The following NPTN variants were observed in gnomAD, a reference collection of about 807,000 sequenced individuals.
The protein encoded by NPTN is SDR-1.
A neutral mutation model predicts 42.7 loss-of-function variants in NPTN; 5 were observed. That is an observed-to-expected ratio of 0.12 (90% confidence interval 0.06 to 0.25). The LOEUF (loss-of-function observed/expected upper bound fraction) is 0.25. NPTN is among the 10% of genes least tolerant of loss of function. The pLI is 1.00. For synonymous variants in NPTN, 180 were observed against 201.9 expected (o/e 0.89, Z 0.92); for missense variants, 307 against 525.4 (o/e 0.58, Z 4.06).
At chr15:73,589,120 C>G (rs1355611739) in intron 3 of NPTN, among the ~76,000 whole-genome samples, 14 of 151,968 alleles carry the variant, frequency 9.2e-5, no homozygotes, top group Non-Finnish European at 1.6e-4. Flanking sequence ...CTGCTTGAGC[C>G]CAGGAGTTTG....
chr15:73,563,303 G>T (rs1411893346), intron 6 of NPTN, 46 bp from the exon 7 acceptor site: 3 of 1,610,238 alleles, frequency 1.9e-6, no homozygotes, highest in South Asian at 1.1e-5. Context: ...GATAAGAGAA[G>T]AAAGGAGAAA....
intron 2 of NPTN, among the ~76,000 whole-genome samples, chr15:73,595,287 T>C (rs2141406538): frequency 6.6e-6 from 1 of 152,246 alleles, no homozygotes; most frequent in Middle Eastern, 3.4e-3. Flanking sequence ...TAATTCTGCT[T>C]TTATAAGGAA....
intron 1 of NPTN, among the ~76,000 whole-genome samples, chr15:73,610,489 T>C (rs748871219): frequency 2.6e-5 from 4 of 152,222 alleles, no homozygotes; most frequent in Non-Finnish European, 4.4e-5. Context: ...GTTATTTCAC[T>C]TAACATGGAA....
chr15:73,610,087 T>C (rs1897500153), intron 1 of NPTN, among the ~76,000 whole-genome samples: 1 of 151,488 alleles, frequency 6.6e-6, no homozygotes, highest in Non-Finnish European at 1.5e-5. Context: ...CTTTTTACTT[T>C]TTTTTTTCTT....
chr15:73,563,199 C>G, intron 7 of NPTN, 37 bp downstream of exon 7: 1 of 1,339,404 alleles, frequency 7.5e-7, no homozygotes, highest in African/African-American at 1.4e-5. Flanking sequence ...ATCATTCAAT[C>G]AGATACTGTT....
At position 73,633,298 on chromosome 15, in the gene NPTN, G is replaced by C; in HGVS notation, c.-83C>G. ...AGGGAGGGGAGGGAGGGAGGGGGCG[G>C]GCGAGTGCGCGAGGGAGTGAGCGAG... On this transcript the variant is annotated 5_prime_UTR_variant, in exon 1 of 9. Transcript: ENST00000345330. 1.0e-6 allele frequency: 1 copy of C among 987,886 alleles called. No individual in the cohort carries two copies. The highest frequency in any genetic ancestry group is 1.4e-6 in the Non-Finnish European group (1 of 701,546). 61.2% of individuals were successfully genotyped at this position (987,886 alleles called of 1,614,324 possible).
At chr15:73,576,684 G>A (rs1269559955) in intron 4 of NPTN, among the ~76,000 whole-genome samples, 2 of 152,152 alleles carry the variant, frequency 1.3e-5, no homozygotes, top group East Asian at 3.9e-4. Context: ...GACCTCAAGA[G>A]GAGAGGAATT....
intron 4 of NPTN, among the ~76,000 whole-genome samples, chr15:73,578,144 C>G (rs537271306): frequency 1.9e-4 from 29 of 152,206 alleles, no homozygotes; most frequent in African/African-American, 6.0e-4. Flanking sequence ...ATCAGAGAGA[C>G]TGGGGACCCA....
At chr15:73,573,844 G>A (rs1255159465) in intron 4 of NPTN, 49 bp from the exon 5 acceptor site, 2 of 1,593,488 alleles carry the variant, frequency 1.3e-6, no homozygotes, top group Non-Finnish European at 1.7e-6. Flanking sequence ...ACTCCAAACA[G>A]GATACAAAGG....
chr15:73,579,152 G>C (rs1170264562), intron 4 of NPTN, among the ~76,000 whole-genome samples: 1 of 151,686 alleles, frequency 6.6e-6, no homozygotes, highest in African/African-American at 2.4e-5. Context: ...GGTGGCGGGA[G>C]CCTGTTGTCC....
intron 6 of NPTN, chr15:73,568,974 G>A (rs1895208873): frequency 2.0e-6 from 2 of 985,416 alleles, no homozygotes; most frequent in Non-Finnish European, 2.4e-6. Flanking sequence ...TTCTTTCTGA[G>A]GGAGCACCAG....
intron 7 of NPTN, 59 bp from the exon 8 acceptor site, chr15:73,562,029 AAC>A (rs1894704989): frequency 7.9e-7 from 1 of 1,267,458 alleles, no homozygotes; most frequent in South Asian, 1.3e-5. Flanking sequence ...TTCAAAGTAT[AAC>A]ACATGGAAAT....
chr15:73,578,970 G>A (rs1895841152), intron 4 of NPTN, among the ~76,000 whole-genome samples: 1 of 146,992 alleles, frequency 6.8e-6, no homozygotes, highest in East Asian at 2.0e-4. Flanking sequence ...TCCAGCCTGG[G>A]CGACAGAGTA....
chr15:73,580,441 A>ATTATATATATAATATATATAAT (rs1555408012), intron 4 of NPTN, among the ~76,000 whole-genome samples: 1 of 113,956 alleles, frequency 8.8e-6, no homozygotes, highest in African/African-American at 4.1e-5. Flanking sequence ...TAATATATAT[A>ATTATATATATAATATATATAAT]ATATATATGT....
intron 8 of NPTN, among the ~76,000 whole-genome samples, chr15:73,561,366 TTATA>T: frequency 6.6e-6 from 1 of 152,164 alleles, no homozygotes. Context: ...GAAATGGCAT[TTATA>T]TAAACATGTG....
chr15:73,631,635 T>G (rs1898748476), intron 1 of NPTN, among the ~76,000 whole-genome samples: 1 of 152,218 alleles, frequency 6.6e-6, no homozygotes, highest in South Asian at 2.1e-4. Context: ...GCCTCTCTAA[T>G]AAGAGTAATC....
Position 73,605,106 on chromosome 15 carries a change from G to T in NPTN, c.92-7737C>A, listed in dbSNP as rs557600900. On this transcript the variant is annotated intron_variant, in intron 1 of 8. Coordinates refer to ENST00000345330, the MANE Select transcript of NPTN (RefSeq NM_012428.4). The stretch of plus-strand genomic sequence containing the variant: ...AGTAGAGACCCTGTCTCAAGGGGGG[G>T]GGGGGAAAAGAATGATCTAAACTAG... Among the ~76,000 whole-genome samples the T allele has an allele frequency of 6.9e-5, 10 of 145,768 alleles. 1 individual carries two copies. The highest frequency in any genetic ancestry group is 2.7e-4 in the African/African-American group (10 of 36,402).
At chr15:73,628,587 CGTT>C (rs563646345) in intron 1 of NPTN, among the ~76,000 whole-genome samples, 59 of 152,186 alleles carry the variant, frequency 3.9e-4, no homozygotes, top group Non-Finnish European at 7.4e-4. Flanking sequence ...CTTCCCGAAT[CGTT>C]GTAAAAAACC....
In NPTN at chr15:73,605,664, T is replaced by G. The variant is rs557394785; in HGVS notation, c.92-8295A>C. ...AATGAGGTGAACCCAGGAGGGGAGG[T>G]TGCGGTGAGCTGAGATCGCACCACT... On this transcript the variant is annotated intron_variant, in intron 1 of 8. Transcript: ENST00000345330. 1.1e-3 allele frequency among the ~76,000 whole-genome samples: 164 copies of G among 148,320 alleles called. 1 individual carries two copies. Among genetic ancestry groups the G allele is most frequent in the African/African-American group, 1.9e-3 (78 of 40,122 alleles).
Sources: allele counts gnomAD v4.1 joint callset (sites outside exome capture counted in the v4.1 genomes callset), GRCh38; gene constraint gnomAD v4.1.1; transcripts MANE v1.5; gene names NCBI Gene and HGNC (gene_info 2026-07-23, HGNC 2026-07-21).